Variants in TSC2 observed in about 807,000 individuals in gnomAD.
The protein encoded by TSC2 is tuberin.
A neutral mutation model predicts 202.2 loss-of-function variants in TSC2; 29 were observed. That is an observed-to-expected ratio of 0.14 (90% CI 0.11 to 0.20). The LOEUF is 0.20. Among genes scored for constraint, TSC2 ranks in the 10% least tolerant of loss-of-function variants. TSC2 has a pLI of 1.00. For synonymous variants in TSC2, 1,349 were observed against 1,044.0 expected, an observed-to-expected ratio of 1.29 and a Z score of -5.63; for missense variants, 2,429 against 2,420.0, an observed-to-expected ratio of 1.00 and a Z score of -0.08.
chr16:2,066,651 CTTTTTTTTTT>C (rs34619573), intron 16 of TSC2, among the ~76,000 whole-genome samples: 2 of 98,458 alleles, frequency 2.0e-5, no homozygotes, highest in African/African-American at 7.7e-5. Flanking sequence ...TCTGATTTAT[CTTTTTTTTTT>C]TTTTTTTTTT....
intron 16 of TSC2, among the ~76,000 whole-genome samples, chr16:2,066,680 C>G (rs1168079378): frequency 2.8e-5 from 3 of 108,218 alleles, no homozygotes; most frequent in Non-Finnish European, 5.4e-5. Flanking sequence ...TTTTTTGATA[C>G]AGTCTCACTC....
At chr16:2,062,898 C>T (rs1411766462) in intron 13 of TSC2, 74 bp from the exon 14 acceptor site, 18 of 1,502,250 alleles carry the variant, frequency 1.2e-5, no homozygotes, top group African/African-American at 9.7e-5. Context: ...GGCTGGCCTG[C>T]GCCAGGCAGA....
At position 2,059,338 on chromosome 16, in the gene TSC2, CT is replaced by C. The variant is rs1180610775; in HGVS notation, c.975+486del. Among the ~76,000 whole-genome samples, 110 of 124,716 alleles carry C rather than the reference CT, an allele frequency of 8.8e-4. 1 individual carries two copies. The highest frequency in any genetic ancestry group is 4.0e-3 in the East Asian group (18 of 4,502). The allele number at this position is 124,716 out of a possible 152,430, so 81.8% of individuals were successfully genotyped here. On this transcript the variant is annotated intron_variant, in intron 10 of 41. Coordinates refer to ENST00000219476, the MANE Select transcript of TSC2 (RefSeq NM_000548.5). ...TGGCCAAAGGCTTTTTTCTCTCTCT[CT>C]TTTTTTTTTTTTTTTTTTTTGAGAC...
rs779507492 is a variant in TSC2 at position 2,088,159 on chromosome 16, G to A, written c.5160+20G>A. 1 of 1,613,038 alleles carries A rather than the reference G, an allele frequency of 6.2e-7. No homozygotes were observed. The highest frequency in any genetic ancestry group is 8.5e-7 in the Non-Finnish European group (1 of 1,179,998). On this transcript the variant is annotated intron_variant, in intron 40 of 41. Transcript: ENST00000219476. ...GCAAATGTGAGTGGGGGTGGGTCCAGGCGTGAGCTGGTGGGACAGGCCCAG... is the reference window on the plus strand; with the variant it reads ...GCAAATGTGAGTGGGGGTGGGTCCAAGCGTGAGCTGGTGGGACAGGCCCAG...
chr16:2,060,551 A>G, intron 10 of TSC2, 119 bp from the exon 11 acceptor site: 3 of 1,547,430 alleles, frequency 1.9e-6, no homozygotes, highest in Non-Finnish European at 2.7e-6. Flanking sequence ...CCCCTGATAA[A>G]CGTGTGGTGG....
chr16:2,086,096 T>C, intron 36 of TSC2, 97 bp from the exon 37 acceptor site: 1 of 1,438,276 alleles, frequency 7.0e-7, no homozygotes, highest in South Asian at 1.2e-5. Flanking sequence ...GGGATCAGAG[T>C]GGGGCTCCCG....
At position 2,071,891 on chromosome 16, in the gene TSC2, C is replaced by G. The variant is rs959165669; in HGVS notation, c.2054C>G (p.Pro685Arg). The G allele has an allele frequency of 1.9e-6, 3 of 1,597,336 alleles. No homozygotes were observed. Among genetic ancestry groups the G allele is most frequent in the Non-Finnish European group, 2.6e-6 (3 of 1,172,512 alleles). The change falls in exon 19 of 42, where the codon CCC becomes CGC. Residue 685 changes from proline to arginine, a missense_variant. By Grantham distance (103) the Pro-to-Arg change is moderately radical (BLOSUM62 -2). Transcript: ENST00000219476. ...CCCGCCGTGCGGCTGGGGTCCGTGC[C>G]CTACTCCCTGCTCTTCCGCGTCCTG... ...AGPAVRLGSV[P>R]YSLLFRVLLQ... is the part of the protein sequence containing the mutation.
intron 9 of TSC2, among the ~76,000 whole-genome samples, 155 bp downstream of exon 9, chr16:2,057,333 T>C (rs1386482134): frequency 1.3e-5 from 2 of 152,154 alleles, no homozygotes; most frequent in African/African-American, 4.8e-5. Context: ...CCATGACTTC[T>C]AGGATCCAGC....
chr16:2,055,322 A>G (rs1055099943), intron 5 of TSC2, 80 bp from the exon 6 acceptor site: 6 of 1,110,672 alleles, frequency 5.4e-6, no homozygotes, highest in Non-Finnish European at 8.3e-6. Context: ...GTTTGGACAC[A>G]CTGTCCTGCG....
intron 26 of TSC2, chr16:2,078,482 C>T (rs368688950): frequency 1.1e-5 from 2 of 187,042 alleles, no homozygotes; most frequent in Admixed American, 5.4e-5. Flanking sequence ...AAGCCATTTT[C>T]TAGCACATTC....
At chr16:2,074,922 G>A in intron 22 of TSC2, 1 of 198,270 alleles carries the variant, frequency 5.0e-6, no homozygotes, top group Non-Finnish European at 1.1e-5. Flanking sequence ...CCCTTTAGAA[G>A]TGTAGAAGCC....
Position 2,065,614 on chromosome 16 carries a change from G to C in TSC2, c.1695G>C (p.Leu565=). 1 of 1,613,664 alleles carries C rather than the reference G, an allele frequency of 6.2e-7. No individual in the cohort carries two copies. Among genetic ancestry groups the C allele is most frequent in the Non-Finnish European group, 8.5e-7 (1 of 1,179,976 alleles). Residue 565 remains leucine, a synonymous_variant, in exon 16 of 42, where the codon CTG becomes CTC. Transcript: ENST00000219476. ...TGGAGGATGTGAAGACAGCCGTCCTGGGGCTTCTGGTCATCCTTCAGGTGG... is the reference window on the plus strand; with the variant it reads ...TGGAGGATGTGAAGACAGCCGTCCTCGGGCTTCTGGTCATCCTTCAGGTGG... ...ASLEDVKTAV[L]GLLVILQTKL...
rs1057523304 is a variant in TSC2 at position 2,086,214 on chromosome 16, C to T, written c.4684C>T (p.Leu1562=). The stretch of plus-strand genomic sequence containing the variant: ...ACAGAGCAACAGCGAGCTCGCCATC[C>T]TGTCCAATGAGCATGGCTCCTACAG... The part of the protein sequence containing the change: ...EGQSNSELAI[L]SNEHGSYRYT... Residue 1562 remains leucine, a synonymous_variant, in exon 37 of 42, where the codon CTG becomes TTG. Transcript: ENST00000219476. 1.2e-6 allele frequency: 2 copies of T among 1,612,716 alleles called. No homozygotes were observed. Among genetic ancestry groups the T allele is most frequent in the Non-Finnish European group, 8.5e-7 (1 of 1,179,926 alleles).
rs139667866 is a variant in TSC2 at position 2,081,027 on chromosome 16, C to T, written c.3611-568C>T. On this transcript the variant is annotated intron_variant, in intron 30 of 41. Coordinates refer to ENST00000219476, the MANE Select transcript of TSC2 (RefSeq NM_000548.5). ...TCACAGGCTCTTTCCTGGATGTCTG[C>T]GTGTTAATCTCCTCTTGGGAGGAAA... is the stretch of plus-strand genomic sequence containing the variant. 9.7e-4 allele frequency: 174 copies of T among 179,246 alleles called. 2 individuals are homozygous for T. The highest frequency in any genetic ancestry group is 3.8e-3 in the African/African-American group (158 of 42,116). The allele number at this position is 179,246 out of a possible 1,614,324, so 11.1% of individuals were successfully genotyped here. A position where few individuals can be genotyped will look rare whatever the true frequency, so the allele number is the denominator to read the frequency against.
At chr16:2,081,987 G>C (rs1010590777) in intron 31 of TSC2, 189 bp downstream of exon 31, 3 of 832,274 alleles carry the variant, frequency 3.6e-6, no homozygotes, top group African/African-American at 3.4e-5. Context: ...CCCTGCTCAG[G>C]AAGCTGGGGC....
rs7187438 is a variant in TSC2, at chr16:2,070,401, T to C, written c.1717-55T>C. On this transcript the variant is annotated intron_variant, in intron 16 of 41. Transcript: ENST00000219476. ...CCTGCTCCGGGACAAGGGTGCTGTC[T>C]TAGGACTGCGTTTTCACCTCCTGCG... 562,035 of 1,612,486 alleles carry C rather than the reference T, an allele frequency of 0.35. 103,676 individuals carry two copies. Among genetic ancestry groups the C allele is most frequent in the African/African-American group, 0.68 (51,058 of 74,922 alleles).
rs771538426 is a variant in TSC2, at chr16:2,084,755, C to G, written c.4493+40C>G. ...TCCGGGCGGGGCTCCTGACACCTCT[C>G]CTGCGGGAACCTGGTGCCTCACTTG... is the stretch of plus-strand genomic sequence containing the variant. On this transcript the variant is annotated intron_variant, in intron 34 of 41. Coordinates refer to ENST00000219476, the MANE Select transcript of TSC2 (RefSeq NM_000548.5). The G allele has an allele frequency of 3.8e-6, 6 of 1,598,236 alleles. No individual in the cohort carries two copies. In the African/African-American group the frequency reaches 6.7e-5, roughly 18 times the overall value.
intron 4 of TSC2, 151 bp downstream of exon 4, chr16:2,053,603 G>A (rs1331652290): frequency 1.3e-6 from 1 of 773,178 alleles, no homozygotes; most frequent in Admixed American, 2.0e-5. Context: ...GGCCTGTGGG[G>A]TCTCCTGGTG....
chr16:2,062,869 G>A (rs542480066), intron 13 of TSC2, 103 bp from the exon 14 acceptor site: 17 of 1,328,844 alleles, frequency 1.3e-5, no homozygotes, highest in South Asian at 1.0e-4. Context: ...GTGCCTGGCC[G>A]CGGGAGGACC....
Sources: gnomAD v4.1 joint callset for allele counts (sites outside exome capture counted in the v4.1 genomes callset) on GRCh38, gnomAD v4.1.1 for gene constraint, MANE v1.5 for transcripts, NCBI Gene and HGNC (gene_info 2026-07-23, HGNC 2026-07-21) for gene names.